Variants in ECHDC2 observed in about 807,000 individuals in gnomAD.
The protein encoded by ECHDC2 is enoyl-CoA hydratase domain containing 2, also known as enoyl-CoA hydratase domain-containing protein 2, mitochondrial.
Under a neutral mutation model 40.6 loss-of-function variants are expected in ECHDC2, and 34 were observed. That is an observed-to-expected ratio of 0.84 (90% CI 0.64 to 1.11). ECHDC2 has a LOEUF of 1.11. Among genes scored for constraint, ECHDC2 ranks in the 50% most tolerant of loss-of-function variants. The pLI, the probability that ECHDC2 is intolerant of heterozygous loss-of-function variation, is 0.00. For missense variants in ECHDC2, 392 were observed against 400.7 expected, an observed-to-expected ratio of 0.98 and a Z score of 0.19; for synonymous variants, 162 against 166.6, an observed-to-expected ratio of 0.97 and a Z score of 0.21.
chr1:52,905,936 C>T (rs182954390), intron 5 of ECHDC2: 10 of 227,624 alleles, frequency 4.4e-5, no homozygotes, highest in Admixed American at 5.2e-5. Flanking sequence ...CAGGAGAGAG[C>T]GGTGGGGGGA....
At position 52,896,142 on chromosome 1, in the gene ECHDC2, T is replaced by C; in HGVS notation, c.*378A>G. Reference sequence around the variant, plus strand: ...GTTGTTCACAGGAAGAAACTAGGGGTATCTTAAAATCTTCTGACATCTCTA... The same window carrying C: ...GTTGTTCACAGGAAGAAACTAGGGGCATCTTAAAATCTTCTGACATCTCTA... On this transcript the variant is annotated 3_prime_UTR_variant, in exon 10 of 10. Coordinates refer to ENST00000371522, the MANE Select transcript of ECHDC2 (RefSeq NM_001198961.2). 1 of 204,448 alleles carries C rather than the reference T, an allele frequency of 4.9e-6. No homozygotes were observed. Among genetic ancestry groups the C allele is most frequent in the South Asian group, 9.4e-5 (1 of 10,646 alleles). The allele number at this position is 204,448 out of a possible 1,614,324, so 12.7% of individuals were successfully genotyped here.
chr1:52,897,040 T>C (rs1646681977), intron 9 of ECHDC2: 1 of 298,736 alleles, frequency 3.3e-6, no homozygotes, highest in Non-Finnish European at 6.3e-6. Flanking sequence ...GAGTAAGAGA[T>C]TTAATAGGTC....
intron 8 of ECHDC2, 51 bp downstream of exon 8, chr1:52,899,101 GAGCTCTGAAAGCACTGTGTCCC>G: frequency 6.7e-7 from 1 of 1,481,780 alleles, no homozygotes; most frequent in Non-Finnish European, 9.4e-7. Flanking sequence ...TGTGCTGTCT[GAGCTCTGAAAGCACTGTGTCCC>G]AGCCGCGACC....
intron 1 of ECHDC2, chr1:52,915,361 A>G (rs1650453099): frequency 4.4e-6 from 2 of 455,944 alleles, no homozygotes; most frequent in Admixed American, 4.7e-5. Flanking sequence ...AGAAAGGCCA[A>G]TGAAAGTTTC....
chr1:52,904,599 T>G, intron 7 of ECHDC2, 47 bp downstream of exon 7: 1 of 1,491,410 alleles, frequency 6.7e-7, no homozygotes, highest in African/African-American at 1.4e-5. Context: ...CACACATGCC[T>G]CCCCCATGAC....
rs752825764 is a variant in ECHDC2, at chr1:52,904,622, T to C, written c.702+24A>G. Reference sequence around the variant, plus strand: ...CCTCCCCCATGACTCCAGCCCTCCTTCTGGTGCCGAGCTGTCACCACACCT... The same window carrying C: ...CCTCCCCCATGACTCCAGCCCTCCTCCTGGTGCCGAGCTGTCACCACACCT... On this transcript the variant is annotated intron_variant, in intron 7 of 9. Coordinates refer to ENST00000371522, the MANE Select transcript of ECHDC2 (RefSeq NM_001198961.2). 6.7e-5 allele frequency: 104 copies of C among 1,548,882 alleles called. No homozygotes were observed. The East Asian group carries it at 1.3e-3, about 19-fold the overall frequency.
chr1:52,920,843 G>A (rs1651717243), intron 1 of ECHDC2, among the ~76,000 whole-genome samples: 1 of 152,236 alleles, frequency 6.6e-6, no homozygotes, highest in Admixed American at 6.5e-5. Flanking sequence ...GGAGACCCAA[G>A]GCAGGAGAAG....
At chr1:52,920,925 AAAC>A (rs375423166) in intron 1 of ECHDC2, among the ~76,000 whole-genome samples, 41 of 152,358 alleles carry the variant, frequency 2.7e-4, no homozygotes, top group African/African-American at 8.2e-4. Context: ...CCAGAAGTTC[AAAC>A]AACAACAACA....
At chr1:52,904,606 T>G (rs1407307311) in intron 7 of ECHDC2, 40 bp downstream of exon 7, 2 of 1,513,852 alleles carry the variant, frequency 1.3e-6, no homozygotes, top group Non-Finnish European at 8.8e-7. Flanking sequence ...GCCTCCCCCA[T>G]GACTCCAGCC....
intron 3 of ECHDC2, among the ~76,000 whole-genome samples, chr1:52,909,523 T>TAAA (rs35263010): frequency 0.021 from 2,879 of 135,224 alleles, 101 homozygotes; most frequent in African/African-American, 0.075. Flanking sequence ...CTGATGAGCT[T>TAAA]AAAAAAAAAA....
Position 52,914,161 on chromosome 1 carries a change from C to G in ECHDC2, c.122-2371G>C. ...GGAGAACTTGGAGAAAAAGGACAAA[C>G]AAGTAAGGGGCCTCCAGTGGGCAGA... On this transcript the variant is annotated intron_variant, in intron 1 of 9. Coordinates refer to ENST00000371522, the MANE Select transcript of ECHDC2 (RefSeq NM_001198961.2). The surrounding 1 kb of genome is among the most constrained non-coding windows in gnomAD (Gnocchi z 4.0). 1 of 460,340 alleles carries G rather than the reference C, an allele frequency of 2.2e-6. No individual in the cohort carries two copies. Among genetic ancestry groups the G allele is most frequent in the Non-Finnish European group, 4.3e-6 (1 of 233,396 alleles). 28.5% of individuals were successfully genotyped at this position (460,340 alleles called of 1,614,324 possible).
At chr1:52,916,567 A>AAAAC (rs1650701625) in intron 1 of ECHDC2, among the ~76,000 whole-genome samples, 1 of 152,232 alleles carries the variant, frequency 6.6e-6, no homozygotes, top group South Asian at 2.1e-4. Context: ...GAGTTTGTGT[A>AAAAC]AAACGCCCAG....
rs1571898852 is a variant in ECHDC2 at position 52,897,193 on chromosome 1, C to T, written c.801+244G>A. The stretch of plus-strand genomic sequence containing the variant: ...GTTCTTCCTCTTAAGGACCTGTGTT[C>T]TGTGATTCTCGGCATTAAGTGGGCA... On this transcript the variant is annotated intron_variant, in intron 9 of 9. Coordinates refer to ENST00000371522, the MANE Select transcript of ECHDC2 (RefSeq NM_001198961.2). 3.2e-5 allele frequency: 18 copies of T among 569,662 alleles called. 1 individual carries two copies. The South Asian group carries it at 3.7e-4, about 12-fold the overall frequency. 35.3% of individuals were successfully genotyped at this position (569,662 alleles called of 1,614,324 possible). A position where few individuals can be genotyped will look rare whatever the true frequency, so the allele number is the denominator to read the frequency against.
chr1:52,905,195 T>C, intron 5 of ECHDC2, 105 bp from the exon 6 acceptor site: 1 of 1,299,840 alleles, frequency 7.7e-7, no homozygotes, highest in Non-Finnish European at 1.1e-6. Context: ...CTCTAGCCAC[T>C]TGCCCCATGG....
intron 7 of ECHDC2, among the ~76,000 whole-genome samples, chr1:52,903,977 C>A (rs1052977820): frequency 1.3e-5 from 2 of 151,912 alleles, no homozygotes; most frequent in Non-Finnish European, 2.9e-5. Flanking sequence ...GCCTCCACAC[C>A]CAGCTAATTT....
In ECHDC2 at chr1:52,904,667, C is replaced by T. The variant is rs937820713; in HGVS notation, c.681G>A (p.Leu227=). The change falls in exon 7 of 10, where the codon CTG becomes CTA. Residue 227 remains leucine, a synonymous_variant. Coordinates refer to ENST00000371522, the MANE Select transcript of ECHDC2 (RefSeq NM_001198961.2). ...ACACCTGGGGCAGGATCTCCTGGGCCAGTGCTCGTGCCCGCTGGTAGGCGG... is the reference window on the plus strand; with the variant it reads ...ACACCTGGGGCAGGATCTCCTGGGCTAGTGCTCGTGCCCGCTGGTAGGCGG... The part of the protein sequence containing the change: ...GDAAYQRARA[L]AQEILPQAPI... The T allele has an allele frequency of 6.2e-7, 1 of 1,605,360 alleles. No homozygotes were observed.
In ECHDC2 at chr1:52,906,619, G is replaced by A. The variant is rs1031002203; in HGVS notation, c.365-8C>T. ...TGGGTGCAGGGAAGGCTGCTGTGGA[G>A]AGGAAGAAAGGCTCAGCCTGCAAAG... On this transcript the variant is annotated splice_region_variant and splice_polypyrimidine_tract_variant and intron_variant, in intron 4 of 9. Coordinates refer to ENST00000371522, the MANE Select transcript of ECHDC2 (RefSeq NM_001198961.2). 6.2e-6 allele frequency: 10 copies of A among 1,602,072 alleles called. No individual in the cohort carries two copies. Among genetic ancestry groups the A allele is most frequent in the African/African-American group, 1.3e-5 (1 of 74,882 alleles).
chr1:52,914,014 T>G lies in ECHDC2; in HGVS notation c.122-2224A>C. 8.1e-7 allele frequency: 1 copy of G among 1,227,236 alleles called. No homozygotes were observed. The highest frequency in any genetic ancestry group is 1.6e-5 in the African/African-American group (1 of 63,338). The allele number at this position is 1,227,236 out of a possible 1,614,324, so 76.0% of individuals were successfully genotyped here. On this transcript the variant is annotated intron_variant, in intron 1 of 9. Coordinates refer to ENST00000371522, the MANE Select transcript of ECHDC2 (RefSeq NM_001198961.2). The surrounding 1 kb of genome is among the most constrained non-coding windows in gnomAD (Gnocchi z 4.0). Reference sequence around the variant, plus strand: ...TTCACTCATTTGTACATTTATATATTTGCTGTGTGCTGGCCTCTACTAGAC... The same window carrying G: ...TTCACTCATTTGTACATTTATATATGTGCTGTGTGCTGGCCTCTACTAGAC...
intron 1 of ECHDC2, among the ~76,000 whole-genome samples, chr1:52,920,083 G>A (rs1159410403): frequency 6.6e-6 from 1 of 152,218 alleles, no homozygotes; most frequent in Non-Finnish European, 1.5e-5. Flanking sequence ...TTAACCTTCT[G>A]TGCCTCAGTT....
Sources: gnomAD v4.1 joint callset for allele counts (sites outside exome capture counted in the v4.1 genomes callset) on GRCh38, gnomAD v4.1.1 for gene constraint, Gnocchi (gnomAD v3.1) non-coding constraint, MANE v1.5 for transcripts, NCBI Gene and HGNC (gene_info 2026-07-23, HGNC 2026-07-21) for gene names.